NGEF: variants seen among roughly 807,000 people sequenced by gnomAD.
The protein encoded by NGEF is ephexin-1.
Under a neutral mutation model 80.9 loss-of-function variants are expected in NGEF, and 31 were observed. The observed-to-expected ratio is 0.38, with a 90% CI of 0.29 to 0.52. NGEF has a LOEUF of 0.52. NGEF is among the 20% of genes least tolerant of loss of function. The probability of loss-of-function intolerance (pLI) is 0.84; values close to 1 mark genes in which losing one functional copy is unlikely to be tolerated. For synonymous variants in NGEF, 371 were observed against 370.2 expected (o/e 1.00, Z -0.03); for missense variants, 709 against 926.2 (o/e 0.77, Z 3.04).
chr2:232,908,088 A>T (rs778366), intron 5 of NGEF, among the ~76,000 whole-genome samples: 29 of 152,172 alleles, frequency 1.9e-4, no homozygotes, highest in South Asian at 6.2e-4. Context: ...CCAGCCTGGG[A>T]GACAGAGTGA....
At chr2:232,924,105 C>T (rs1055194769) in intron 4 of NGEF, among the ~76,000 whole-genome samples, 1 of 152,176 alleles carries the variant, frequency 6.6e-6, no homozygotes, top group Admixed American at 6.5e-5. Flanking sequence ...GGTGTGTTGG[C>T]AGGCACCTGT....
chr2:232,901,257 G>C (rs1692346163), intron 5 of NGEF: 1 of 541,654 alleles, frequency 1.8e-6, no homozygotes, highest in Non-Finnish European at 2.4e-6. Context: ...GGACTACAGT[G>C]TCTGTCCTCG....
intron 5 of NGEF, among the ~76,000 whole-genome samples, chr2:232,918,916 C>T (rs140784443): frequency 2.6e-5 from 4 of 152,230 alleles, no homozygotes; most frequent in Middle Eastern, 3.4e-3. Flanking sequence ...CGTGAGCCAC[C>T]GCACCCAGTC....
Position 232,879,420 on chromosome 2 carries a change from G to GCAC in NGEF, c.*68_*69insGTG, listed in dbSNP as rs1691409786. Reference sequence around the variant, plus strand: ...GAGGTGCTGGCCTGTGCTTCCCAGAGCCCCCCCCCCCCCACCTTCTGTCGG... The same window carrying GCAC: ...GAGGTGCTGGCCTGTGCTTCCCAGAGCACCCCCCCCCCCCCCACCTTCTGTCGG... On this transcript the variant is annotated 3_prime_UTR_variant, in exon 15 of 15. Coordinates refer to ENST00000264051, the MANE Select transcript of NGEF (RefSeq NM_019850.3). 4 of 1,231,394 alleles carry GCAC rather than the reference G, an allele frequency of 3.2e-6. No homozygotes were observed. In the East Asian group the frequency reaches 7.4e-5, roughly 23 times the overall value. The allele number at this position is 1,231,394 out of a possible 1,614,324, so 76.3% of individuals were successfully genotyped here.
Position 232,885,407 on chromosome 2 carries a change from C to T in NGEF, c.1348-38G>A, listed in dbSNP as rs775729029. On this transcript the variant is annotated intron_variant, in intron 9 of 14. Transcript: ENST00000264051. ...GGAGGGCACATCAGGCCACCAAAGC[C>T]GGCTGTCCCGGCCCCTTCCTCCAGC... 2.6e-5 allele frequency: 41 copies of T among 1,571,898 alleles called. No homozygotes were observed. In the South Asian group the frequency reaches 3.0e-4, roughly 11 times the overall value.
At chr2:232,891,841 G>T (rs1318949186) in intron 7 of NGEF, among the ~76,000 whole-genome samples, 1 of 152,216 alleles carries the variant, frequency 6.6e-6, no homozygotes, top group African/African-American at 2.4e-5. Flanking sequence ...ACGGGCAGCA[G>T]GCTAGAGACA....
chr2:232,921,814 G>C (rs988971317), intron 4 of NGEF, among the ~76,000 whole-genome samples: 1 of 152,132 alleles, frequency 6.6e-6, no homozygotes, highest in Admixed American at 6.6e-5. Context: ...TGGGAGAAAC[G>C]GGCTGCAGCA....
At chr2:232,908,505 TTTA>T (rs755665100) in intron 5 of NGEF, among the ~76,000 whole-genome samples, 1 of 151,990 alleles carries the variant, frequency 6.6e-6, no homozygotes, top group African/African-American at 2.4e-5. Flanking sequence ...CGTTTATGAT[TTTA>T]GTGAGTTTGA....
chr2:232,894,516 G>A (rs1035142060), intron 6 of NGEF: 4 of 376,344 alleles, frequency 1.1e-5, no homozygotes, highest in East Asian at 3.8e-5. Context: ...TCAGCGCAGA[G>A]CTTTGTGTGG....
intron 3 of NGEF, among the ~76,000 whole-genome samples, chr2:232,945,264 T>G (rs1027009081): frequency 1.3e-5 from 2 of 152,236 alleles, no homozygotes; most frequent in East Asian, 3.9e-4. Context: ...CTGAGGTCTA[T>G]TCTAGGACTA....
At chr2:232,961,892 A>C (rs745899813) in intron 3 of NGEF, among the ~76,000 whole-genome samples, 26 of 152,238 alleles carry the variant, frequency 1.7e-4, no homozygotes, top group Non-Finnish European at 3.5e-4. Context: ...TGAAAAGCAG[A>C]GAAGCAGGAC....
At position 232,881,383 on chromosome 2, in the gene NGEF, AGAG is replaced by A. The variant is rs1317312718; in HGVS notation, c.1838-136_1838-134del. ...AACTGGAGAAGGGCTCGTCTGAGGAAGAGGAGGATTTGTTTCCATAGAAAACGT... is the reference window on the plus strand; with the variant it reads ...AACTGGAGAAGGGCTCGTCTGAGGAAGAGGATTTGTTTCCATAGAAAACGT... On this transcript the variant is annotated intron_variant, in intron 13 of 14. Coordinates refer to ENST00000264051, the MANE Select transcript of NGEF (RefSeq NM_019850.3). The A allele has an allele frequency of 3.9e-5, 26 of 661,442 alleles. No homozygotes were observed. The East Asian group carries it at 6.9e-4, about 18-fold the overall frequency. 41.0% of individuals were successfully genotyped at this position (661,442 alleles called of 1,614,324 possible).
intron 3 of NGEF, among the ~76,000 whole-genome samples, chr2:232,944,007 C>A (rs570135606): frequency 6.6e-6 from 1 of 151,616 alleles, no homozygotes; most frequent in Non-Finnish European, 1.5e-5. Flanking sequence ...CCGAGGCCGG[C>A]GGATCACCTG....
At chr2:233,000,954 C>T (rs1156614214) in intron 1 of NGEF, among the ~76,000 whole-genome samples, 1 of 152,104 alleles carries the variant, frequency 6.6e-6, no homozygotes, top group Non-Finnish European at 1.5e-5. Context: ...CCCGATTTCT[C>T]GAAACGGCGC....
chr2:232,954,902 G>A (rs983556721), intron 3 of NGEF, among the ~76,000 whole-genome samples: 5 of 152,084 alleles, frequency 3.3e-5, no homozygotes, highest in Non-Finnish European at 5.9e-5. Context: ...AGGGCCTGTG[G>A]TGAGGACACT....
intron 1 of NGEF, among the ~76,000 whole-genome samples, chr2:232,991,431 A>G (rs1694648033): frequency 6.6e-6 from 1 of 152,136 alleles, no homozygotes; most frequent in South Asian, 2.1e-4. Context: ...ACACAAATTA[A>G]TTGTATTTTT....
At chr2:232,984,265 T>C (rs1359654076) in intron 1 of NGEF, among the ~76,000 whole-genome samples, 1 of 151,634 alleles carries the variant, frequency 6.6e-6, no homozygotes, top group Non-Finnish European at 1.5e-5. Context: ...TCAATTTTTT[T>C]TTTTTTTGTA....
intron 5 of NGEF, among the ~76,000 whole-genome samples, chr2:232,904,116 C>T (rs1692433503): frequency 1.3e-5 from 2 of 152,162 alleles, no homozygotes. Context: ...CACAGGGCCC[C>T]TTGCTTCTCG....
intron 5 of NGEF, chr2:232,905,566 G>T (rs1247049636): frequency 8.1e-6 from 2 of 247,640 alleles, no homozygotes; most frequent in East Asian, 1.8e-4. Context: ...GCCGCCCATC[G>T]TCTGGGACGT....
Sources: allele counts gnomAD v4.1 joint callset (sites outside exome capture counted in the v4.1 genomes callset), GRCh38; gene constraint gnomAD v4.1.1; transcripts MANE v1.5; gene names NCBI Gene and HGNC (gene_info 2026-07-23, HGNC 2026-07-21).